The following CEP131 variants were observed in gnomAD, a reference collection of about 807,000 sequenced individuals.
CEP131 encodes the protein centrosomal protein 131.
Under a neutral mutation model 136.8 loss-of-function variants are expected in CEP131, and 99 were observed. The ratio of observed to expected loss-of-function variants is 0.72; its 90% CI spans 0.62 to 0.86. The LOEUF (loss-of-function observed/expected upper bound fraction) is 0.86, where lower values mean the gene tolerates loss of function less well. CEP131 is among the 40% of genes least tolerant of loss of function. The pLI is 0.00. For synonymous variants in CEP131, 646 were observed against 612.7 expected, an observed-to-expected ratio of 1.05 and a Z score of -0.80; for missense variants, 1,459 against 1,463.0, an observed-to-expected ratio of 1.00 and a Z score of 0.04.
rs1311602725 is a variant in CEP131, at chr17:81,208,689, GAGGA to G, written c.272+235_272+238del. ...TCCCAGCAGCCGCCGGGACAGCAAG[GAGGA>G]AGGGAGGGATGCAGTGCAGGAGAGT... On this transcript the variant is annotated intron_variant, in intron 3 of 25. Transcript: ENST00000450824. This position sits in a 1 kb window ranked among gnomAD's most constrained non-coding sequence, Gnocchi z 5.6. Among the ~76,000 whole-genome samples, 2 of 152,244 alleles carry G rather than the reference GAGGA, an allele frequency of 1.3e-5. No individual in the cohort carries two copies. The highest frequency in any genetic ancestry group is 3.9e-4 in the East Asian group (2 of 5,192).
In CEP131 at chr17:81,208,440, C is replaced by T. The variant is rs1302766576; in HGVS notation, c.272+488G>A. On this transcript the variant is annotated intron_variant, in intron 3 of 25. Transcript: ENST00000450824. The surrounding 1 kb of genome is among the most constrained non-coding windows in gnomAD (Gnocchi z 5.6). ...GGAGGCTGCTGGCCACCACCGGCTC[C>T]ACTCCCCACAACACCCCCACTGGGG... Among the ~76,000 whole-genome samples, 4 of 152,186 alleles carry T rather than the reference C, an allele frequency of 2.6e-5. No homozygotes were observed. Among genetic ancestry groups the T allele is most frequent in the East Asian group, 1.9e-4 (1 of 5,188 alleles).
At chr17:81,197,678 A>G in intron 13 of CEP131, 34 bp downstream of exon 13, 1 of 1,577,228 alleles carries the variant, frequency 6.3e-7, no homozygotes, top group Non-Finnish European at 8.6e-7. Context: ...GCCTCCTCCC[A>G]CTGGGGGCCG....
chr17:81,212,899 C>T (rs1255956755), intron 2 of CEP131, among the ~76,000 whole-genome samples: 1 of 152,172 alleles, frequency 6.6e-6, no homozygotes, highest in Non-Finnish European at 1.5e-5. Context: ...CTACATACTT[C>T]CTTGCTCTGT....
chr17:81,199,469 G>T lies in CEP131; in HGVS notation c.1104C>A (p.Thr368=). The T allele has an allele frequency of 3.7e-6, 6 of 1,609,008 alleles. No homozygotes were observed. The highest frequency in any genetic ancestry group is 4.2e-6 in the Non-Finnish European group (5 of 1,178,496). The change falls in exon 10 of 26, where the codon ACC becomes ACA. Residue 368 remains threonine (T), a synonymous_variant. Transcript: ENST00000450824. ...CAGGCTGCCGCATTCCTGGCACTCT[G>T]GTCTCCCTGGGATTCTCAGGTGGCC... The part of the protein sequence containing the change: ...ERGPPENPRE[T]RVPGMRQPAQ...
Position 81,198,969 on chromosome 17 carries a change from C to A in CEP131, c.1195G>T (p.Gly399Cys). ...HQALKANNTG[G>C]GLPAAGPGDR... ...CCGGGGCCTGCAGCAGGGAGGCCAC[C>A]ACCTGCACAGCAGAACACAGCACCA... The change falls in exon 11 of 26, where the codon GGT (glycine) becomes TGT (cysteine). Residue 399 changes from glycine (G) to cysteine (C), a missense_variant and splice_region_variant. This residue lies in a region of CEP131 where 1,026 missense variants were observed against 964.2 expected (regional missense o/e 1.06). Transcript: ENST00000450824. The A allele has an allele frequency of 6.4e-7, 1 of 1,561,250 alleles. No individual in the cohort carries two copies. Among genetic ancestry groups the A allele is most frequent in the Non-Finnish European group, 8.7e-7 (1 of 1,156,060 alleles).
intron 19 of CEP131, 51 bp downstream of exon 19, chr17:81,192,685 G>GGGGGGGGGGGGGCCCCCC: frequency 8.4e-6 from 4 of 478,418 alleles, no homozygotes; most frequent in Non-Finnish European, 1.6e-5. Context: ...GGGGGGAGGG[G>GGGGGGGGGGGGGCCCCCC]TCAGCCAGCG....
rs769053436 is a variant in CEP131, at chr17:81,199,825, T to C, written c.917A>G (p.Gln306Arg). 5.6e-6 allele frequency: 9 copies of C among 1,610,960 alleles called. No homozygotes were observed. The East Asian group carries it at 2.0e-4, about 36-fold the overall frequency. Reference protein sequence around the residue: ...LLQAKREEQRQRSGEGTLLDL... With the variant: ...LLQAKREEQRRRSGEGTLLDL... ...CAAGAGGGTCCCCTCGCCTGACCGCTGCCGCTGCTCCTGCCAAAGAAGCCG... is the reference window on the plus strand; with the variant it reads ...CAAGAGGGTCCCCTCGCCTGACCGCCGCCGCTGCTCCTGCCAAAGAAGCCG... The change falls in exon 9 of 26, where the codon CAG becomes CGG. Residue 306 changes from glutamine to arginine, a missense_variant. Gln to Arg is a conservative substitution (Grantham distance 43, BLOSUM62 1). Transcript: ENST00000450824.
At chr17:81,195,033 C>A in intron 16 of CEP131, 61 bp from the exon 17 acceptor site, 1 of 1,332,418 alleles carries the variant, frequency 7.5e-7, no homozygotes, top group Non-Finnish European at 1.1e-6. Flanking sequence ...CTTTGCCACC[C>A]TGTGGGCACA....
rs1444053684 is a variant in CEP131 at position 81,192,476 on chromosome 17, C to T, written c.2547G>A (p.Gln849=). 6.2e-7 allele frequency: 1 copy of T among 1,611,960 alleles called. No individual in the cohort carries two copies. The highest frequency in any genetic ancestry group is 1.7e-5 in the Admixed American group (1 of 59,980). The change falls in exon 20 of 26, where the codon CAG becomes CAA. Residue 849 remains glutamine (Q), a splice_region_variant and synonymous_variant. Transcript: ENST00000450824. The part of the protein sequence containing the change: ...KGREEQERRH[Q]MELNTLKQQL... ...CCAGCACAGCCCTCCGGTGGTAGAC[C>T]TGGTGCCGGCGCTCCTGCTCCTCCC...
In CEP131 at chr17:81,202,224, C is replaced by G. The variant is rs1408621642; in HGVS notation, c.788+16G>C. The G allele has an allele frequency of 8.3e-6, 13 of 1,575,604 alleles. No individual in the cohort carries two copies. The highest frequency in any genetic ancestry group is 1.1e-5 in the Non-Finnish European group (13 of 1,158,150). ...TCTAGGCTCAGGCCCCCCCCCACCG[C>G]CCCAAGATCGGTCACCTCTCAGCCT... On this transcript the variant is annotated intron_variant, in intron 7 of 25. Coordinates refer to ENST00000450824, the MANE Select transcript of CEP131 (RefSeq NM_014984.4).
chr17:81,189,731 T>G lies in CEP131; in HGVS notation c.*38A>C, dbSNP rs778297358. The G allele has an allele frequency of 6.4e-7, 1 of 1,556,982 alleles. No homozygotes were observed. The highest frequency in any genetic ancestry group is 8.7e-7 in the Non-Finnish European group (1 of 1,147,968). On this transcript the variant is annotated 3_prime_UTR_variant, in exon 26 of 26. Coordinates refer to ENST00000450824, the MANE Select transcript of CEP131 (RefSeq NM_014984.4). ...GGGCCCACGTCCAGCCTCTGTCCTC[T>G]GCCTTCCGTTCTTCGACAGTGTTCC...
intron 5 of CEP131, among the ~76,000 whole-genome samples, chr17:81,204,915 T>C (rs1332537924): frequency 1.3e-5 from 2 of 152,172 alleles, no homozygotes; most frequent in Non-Finnish European, 2.9e-5. Context: ...AGGACTGATT[T>C]TGAGCTGTTC....
intron 13 of CEP131, 42 bp from the exon 14 acceptor site, chr17:81,197,097 G>C (rs549066108): frequency 6.4e-7 from 1 of 1,560,052 alleles, no homozygotes. Context: ...GGCAGAGGAC[G>C]GGGGGCAGCC....
At chr17:81,218,952 G>A (rs568388261) in intron 2 of CEP131, among the ~76,000 whole-genome samples, 3 of 152,350 alleles carry the variant, frequency 2.0e-5, no homozygotes, top group African/African-American at 7.2e-5. Context: ...ACCGGCTGCC[G>A]CATGGAAGCC....
In CEP131 at chr17:81,203,630, G is replaced by C; in HGVS notation, c.516-23C>G. The C allele has an allele frequency of 6.4e-7, 1 of 1,552,712 alleles. No homozygotes were observed. The highest frequency in any genetic ancestry group is 1.2e-5 in the South Asian group (1 of 85,136). ...CTCCTGCCAGGCCGGAAGAGAGACA[G>C]GAATGGTCAGGCCTCTGGAGGGGAC... is the stretch of plus-strand genomic sequence containing the variant. On this transcript the variant is annotated intron_variant, in intron 5 of 25. Coordinates refer to ENST00000450824, the MANE Select transcript of CEP131 (RefSeq NM_014984.4). The surrounding 1 kb of genome is among the most constrained non-coding windows in gnomAD (Gnocchi z 4.6).
intron 2 of CEP131, among the ~76,000 whole-genome samples, chr17:81,213,139 C>T (rs564784362): frequency 1.3e-5 from 2 of 152,310 alleles, no homozygotes; most frequent in African/African-American, 2.4e-5. Flanking sequence ...ACCCAGGAGC[C>T]ACCTGAAAGT....
chr17:81,222,595 T>C (rs544879711), intron 1 of CEP131, among the ~76,000 whole-genome samples, 174 bp downstream of exon 1: 41 of 150,914 alleles, frequency 2.7e-4, no homozygotes, highest in African/African-American at 1.0e-3. Flanking sequence ...TCCCCCTCAC[T>C]TCCCCCGGAT....
Position 81,221,265 on chromosome 17 carries a change from C to T in CEP131, c.-17-1192G>A, listed in dbSNP as rs1341298140. ...AGCAGGGGACGGGGGTTCTGACGAT[C>T]GATCGAGGGGATTAGCTTGGGGATG... is the stretch of plus-strand genomic sequence containing the variant. On this transcript the variant is annotated intron_variant, in intron 1 of 25. Transcript: ENST00000450824. Among the ~76,000 whole-genome samples the T allele has an allele frequency of 3.3e-5, 5 of 151,914 alleles. No homozygotes were observed. In the South Asian group the frequency reaches 6.2e-4, roughly 19 times the overall value.
intron 2 of CEP131, among the ~76,000 whole-genome samples, chr17:81,213,153 C>T (rs576618344): frequency 6.6e-6 from 1 of 152,180 alleles, no homozygotes; most frequent in Non-Finnish European, 1.5e-5. Context: ...TGAAAGTTCC[C>T]AGTGGCCAAA....
Sources: gnomAD v4.1 joint callset for allele counts (sites outside exome capture counted in the v4.1 genomes callset) on GRCh38, gnomAD v4.1.1 for gene constraint, gnomAD v4.1.1 regional missense constraint, Gnocchi (gnomAD v3.1) non-coding constraint, MANE v1.5 for transcripts, NCBI Gene and HGNC (gene_info 2026-07-23, HGNC 2026-07-21) for gene names.